NR3C2: variants seen among roughly 807,000 people sequenced by gnomAD.
The protein encoded by NR3C2 is mineralocorticoid receptor.
A neutral mutation model predicts 86.4 loss-of-function variants in NR3C2; 15 were observed. The observed-to-expected ratio is 0.17, with a 90% CI of 0.12 to 0.27. The LOEUF is 0.27. Ranked by LOEUF, NR3C2 falls within the 10% of genes least tolerant of loss-of-function variation. The probability of loss-of-function intolerance (pLI) is 1.00; values close to 1 mark genes in which losing one functional copy is unlikely to be tolerated. For synonymous variants in NR3C2, 458 were observed against 450.5 expected (o/e 1.02, Z -0.21); for missense variants, 960 against 1,195.6 (o/e 0.80, Z 2.91).
At chr4:148,279,850 C>T (rs577126786) in intron 2 of NR3C2, among the ~76,000 whole-genome samples, 21 of 152,064 alleles carry the variant, frequency 1.4e-4, no homozygotes, top group Non-Finnish European at 2.6e-4. Flanking sequence ...CTCAGCCTCC[C>T]GAGTAGCTGG....
At chr4:148,175,565 G>T (rs1735336277) in intron 4 of NR3C2, among the ~76,000 whole-genome samples, 2 of 152,244 alleles carry the variant, frequency 1.3e-5, no homozygotes, top group Non-Finnish European at 2.9e-5. Flanking sequence ...ATAGAAAAGT[G>T]TTTTTAATGC....
At chr4:148,149,543 A>G (rs1216358968) in intron 6 of NR3C2, among the ~76,000 whole-genome samples, 1 of 152,222 alleles carries the variant, frequency 6.6e-6, no homozygotes, top group Non-Finnish European at 1.5e-5. Context: ...AAAGGCAACA[A>G]AAGAAGAGAT....
intron 2 of NR3C2, among the ~76,000 whole-genome samples, chr4:148,332,224 A>G (rs1744264324): frequency 6.6e-6 from 1 of 152,248 alleles, no homozygotes; most frequent in African/African-American, 2.4e-5. Flanking sequence ...TATGTTCAAT[A>G]AATCTATGCA....
At chr4:148,382,543 T>G (rs1445379984) in intron 2 of NR3C2, among the ~76,000 whole-genome samples, 1 of 152,196 alleles carries the variant, frequency 6.6e-6, no homozygotes, top group Non-Finnish European at 1.5e-5. Context: ...ATGCTACAAG[T>G]AACTCAGTGG....
chr4:148,131,686 T>C (rs1264370766), intron 6 of NR3C2, among the ~76,000 whole-genome samples: 5 of 152,212 alleles, frequency 3.3e-5, no homozygotes, highest in Non-Finnish European at 5.9e-5. Flanking sequence ...GCTATTGTGG[T>C]CTGCCTTACT....
chr4:148,231,807 T>A (rs564794333), intron 3 of NR3C2, among the ~76,000 whole-genome samples: 1 of 152,220 alleles, frequency 6.6e-6, no homozygotes, highest in African/African-American at 2.4e-5. Context: ...GTCAACTAAG[T>A]TTACGTAATA....
At chr4:148,106,251 C>T (rs1157573267) in intron 8 of NR3C2, among the ~76,000 whole-genome samples, 3 of 152,156 alleles carry the variant, frequency 2.0e-5, no homozygotes, top group Non-Finnish European at 4.4e-5. Context: ...CATGAATGAA[C>T]TCCCATTTAC....
intron 1 of NR3C2, among the ~76,000 whole-genome samples, chr4:148,439,249 T>G (rs1219314288): frequency 6.6e-6 from 1 of 152,174 alleles, no homozygotes; most frequent in East Asian, 1.9e-4. Flanking sequence ...CCTAAGAATA[T>G]TTTGTCTTCC....
chr4:148,303,261 A>G (rs1446021850), intron 2 of NR3C2, among the ~76,000 whole-genome samples: 1 of 152,220 alleles, frequency 6.6e-6, no homozygotes, highest in Middle Eastern at 3.2e-3. Context: ...AACCCTGCTT[A>G]TTCCTGTGAA....
At chr4:148,422,383 A>C (rs569946524) in intron 2 of NR3C2, among the ~76,000 whole-genome samples, 1 of 152,118 alleles carries the variant, frequency 6.6e-6, no homozygotes, top group African/African-American at 2.4e-5. Context: ...TTCCAAGAAC[A>C]AAAGCCTCTC....
intron 2 of NR3C2, among the ~76,000 whole-genome samples, chr4:148,379,107 T>G (rs1228450377): frequency 6.6e-6 from 1 of 152,130 alleles, no homozygotes; most frequent in Non-Finnish European, 1.5e-5. Context: ...GATTAAGCAC[T>G]ACTAAAAAAG....
intron 2 of NR3C2, among the ~76,000 whole-genome samples, chr4:148,350,751 T>A (rs1745233196): frequency 1.3e-5 from 2 of 152,226 alleles, no homozygotes; most frequent in Admixed American, 6.5e-5. Flanking sequence ...GGCTGGCACC[T>A]GTCACAGGTG....
chr4:148,215,936 C>T (rs1005231890), intron 3 of NR3C2, among the ~76,000 whole-genome samples: 29 of 151,964 alleles, frequency 1.9e-4, no homozygotes, highest in Admixed American at 6.6e-4. Context: ...CCCACCACCA[C>T]GCCTAGCTAT....
rs749460166 is a variant in NR3C2, at chr4:148,080,738, A to AAAT, written c.*603_*605dup. ...TAACATCATCTTATCCATTCTAATT[A>AAAT]AATAAGAAATGGACGCTAACGAGTG... On this transcript the variant is annotated 3_prime_UTR_variant, in exon 9 of 9. Coordinates refer to ENST00000358102, the MANE Select transcript of NR3C2 (RefSeq NM_000901.5). The AAAT allele has an allele frequency of 5.9e-6, 2 of 341,150 alleles. No individual in the cohort carries two copies. The highest frequency in any genetic ancestry group is 1.2e-5 in the Non-Finnish European group (2 of 162,826). 21.1% of individuals were successfully genotyped at this position (341,150 alleles called of 1,614,324 possible).
intron 3 of NR3C2, chr4:148,200,974 GA>G (rs1366902084): frequency 1.3e-5 from 2 of 151,720 alleles, no homozygotes; most frequent in Non-Finnish European, 2.9e-5. Flanking sequence ...GTTAAAAAAA[GA>G]AAGAGAAACA....
intron 8 of NR3C2, among the ~76,000 whole-genome samples, chr4:148,098,405 G>A (rs892453025): frequency 6.6e-6 from 1 of 152,088 alleles, no homozygotes; most frequent in African/African-American, 2.4e-5. Context: ...TAGGAACATA[G>A]ACAGCACTGG....
At chr4:148,330,237 G>A (rs187531702) in intron 2 of NR3C2, among the ~76,000 whole-genome samples, 119 of 152,218 alleles carry the variant, frequency 7.8e-4, no homozygotes, top group Non-Finnish European at 1.4e-3. Flanking sequence ...CACAATACAC[G>A]TCAGGTTGGA....
At chr4:148,179,484 A>G (rs1340680751) in intron 4 of NR3C2, among the ~76,000 whole-genome samples, 1 of 151,756 alleles carries the variant, frequency 6.6e-6, no homozygotes, top group East Asian at 1.9e-4. Context: ...AAAAAGACAT[A>G]AGAAAAGCAG....
intron 4 of NR3C2, among the ~76,000 whole-genome samples, chr4:148,167,993 C>A (rs1407173610): frequency 6.6e-6 from 1 of 152,162 alleles, no homozygotes; most frequent in African/African-American, 2.4e-5. Flanking sequence ...TCTGGCTGGG[C>A]AGCAAACAAG....
Sources: gnomAD v4.1 joint callset for allele counts (sites outside exome capture counted in the v4.1 genomes callset) on GRCh38, gnomAD v4.1.1 for gene constraint, MANE v1.5 for transcripts, NCBI Gene and HGNC (gene_info 2026-07-23, HGNC 2026-07-21) for gene names.